The following PXDNL variants were observed in gnomAD, a reference collection of about 807,000 sequenced individuals.
PXDNL encodes the protein probable oxidoreductase PXDNL.
A neutral mutation model predicts 150.8 loss-of-function variants in PXDNL; 145 were observed. That is an observed-to-expected ratio of 0.96 (90% CI 0.84 to 1.10). The LOEUF is 1.10. PXDNL is among the 50% of genes least tolerant of loss of function. The probability of loss-of-function intolerance (pLI) is 0.00; values close to 1 mark genes in which losing one functional copy is unlikely to be tolerated. For synonymous variants in PXDNL, 757 were observed against 725.7 expected, an observed-to-expected ratio of 1.04 and a Z score of -0.69; for missense variants, 2,087 against 1,873.9, an observed-to-expected ratio of 1.11 and a Z score of -2.10.
At chr8:51,595,362 C>T in intron 2 of PXDNL, among the ~76,000 whole-genome samples, 1 of 151,838 alleles carries the variant, frequency 6.6e-6, no homozygotes, top group East Asian at 1.9e-4. Context: ...ATCAATTCAT[C>T]AAAGTGTAAA....
At chr8:51,538,732 C>A (rs746479499) in intron 4 of PXDNL, among the ~76,000 whole-genome samples, 1 of 152,124 alleles carries the variant, frequency 6.6e-6, no homozygotes, top group Admixed American at 6.5e-5. Context: ...TGCCAGTACA[C>A]TACAGTCTGG....
intron 1 of PXDNL, among the ~76,000 whole-genome samples, chr8:51,713,610 A>G (rs1816544940): frequency 6.6e-6 from 1 of 152,206 alleles, no homozygotes; most frequent in African/African-American, 2.4e-5. Context: ...TCACCACAAA[A>G]AATTCATTAA....
chr8:51,376,528 GT>G (rs1807313755), intron 17 of PXDNL, among the ~76,000 whole-genome samples: 1 of 151,986 alleles, frequency 6.6e-6, no homozygotes, highest in South Asian at 2.1e-4. Context: ...TTGCATTTCT[GT>G]TTTCTTGTTA....
intron 19 of PXDNL, among the ~76,000 whole-genome samples, chr8:51,366,812 A>T (rs910415943): frequency 1.3e-5 from 2 of 152,064 alleles, no homozygotes; most frequent in Non-Finnish European, 2.9e-5. Context: ...GCATAAAAAA[A>T]TTCAAATAAA....
At chr8:51,324,575 T>A (rs910454654) in intron 21 of PXDNL, among the ~76,000 whole-genome samples, 3 of 152,248 alleles carry the variant, frequency 2.0e-5, no homozygotes, top group Non-Finnish European at 4.4e-5. Flanking sequence ...GTTGGATGTT[T>A]TATTATAATC....
intron 4 of PXDNL, among the ~76,000 whole-genome samples, chr8:51,545,410 C>T (rs74837701): frequency 0.02 from 2,973 of 152,178 alleles, 42 homozygotes; most frequent in African/African-American, 0.037. Context: ...TTTAAAAAGA[C>T]GAAGGCACAC....
chr8:51,423,222 G>C (rs1442617264), intron 14 of PXDNL, among the ~76,000 whole-genome samples: 1 of 152,186 alleles, frequency 6.6e-6, no homozygotes, highest in East Asian at 1.9e-4. Context: ...GCTAGAGTAT[G>C]TAGTACATGT....
chr8:51,660,441 G>A (rs1815248398), intron 1 of PXDNL, among the ~76,000 whole-genome samples: 1 of 152,132 alleles, frequency 6.6e-6, no homozygotes, highest in African/African-American at 2.4e-5. Context: ...GTGAGTAGAT[G>A]CTTGGCTATC....
chr8:51,677,121 CT>C (rs1391231139), intron 1 of PXDNL, among the ~76,000 whole-genome samples: 1 of 152,210 alleles, frequency 6.6e-6, no homozygotes, highest in Non-Finnish European at 1.5e-5. Context: ...TTTCTAATTA[CT>C]TTTCCCATTT....
At chr8:51,687,231 A>G (rs148474272) in intron 1 of PXDNL, among the ~76,000 whole-genome samples, 13 of 152,338 alleles carry the variant, frequency 8.5e-5, no homozygotes, top group Middle Eastern at 3.4e-3. Context: ...CACTCCTGCT[A>G]TGAAAACAGA....
intron 4 of PXDNL, among the ~76,000 whole-genome samples, chr8:51,548,979 G>A (rs1011600519): frequency 1.5e-4 from 23 of 152,174 alleles, no homozygotes; most frequent in African/African-American, 5.1e-4. Flanking sequence ...CAAAGGGATG[G>A]GAAAAGGGAT....
intron 1 of PXDNL, among the ~76,000 whole-genome samples, chr8:51,755,978 G>A (rs910214064): frequency 6.6e-5 from 10 of 152,158 alleles, no homozygotes; most frequent in African/African-American, 2.4e-4. Flanking sequence ...AATGGAATTA[G>A]AAATTCTAAG....
intron 2 of PXDNL, among the ~76,000 whole-genome samples, chr8:51,620,539 C>T (rs1032123871): frequency 1.3e-4 from 19 of 151,634 alleles, no homozygotes; most frequent in Non-Finnish European, 2.4e-4. Context: ...TTTCTTACAA[C>T]TCAATCACTT....
At chr8:51,395,481 GAAAATATTTTTAAAA>G (rs1263592306) in intron 17 of PXDNL, among the ~76,000 whole-genome samples, 1 of 152,038 alleles carries the variant, frequency 6.6e-6, no homozygotes, top group African/African-American at 2.4e-5. Flanking sequence ...CATTCTAAAA[GAAAATATTTTTAAAA>G]AATGGTTTAG....
At chr8:51,436,401 C>T (rs1205520646) in intron 12 of PXDNL, 9 of 413,392 alleles carry the variant, frequency 2.2e-5, no homozygotes, top group Admixed American at 6.1e-5. Flanking sequence ...AAATGCATTG[C>T]CATGTCATAA....
chr8:51,503,667 C>T (rs1015033816), intron 4 of PXDNL, among the ~76,000 whole-genome samples: 1 of 152,134 alleles, frequency 6.6e-6, no homozygotes, highest in Non-Finnish European at 1.5e-5. Flanking sequence ...CTGTTTAAGT[C>T]ACTTCATAAA....
intron 2 of PXDNL, among the ~76,000 whole-genome samples, chr8:51,598,928 C>T (rs778809975): frequency 3.9e-5 from 6 of 152,140 alleles, no homozygotes; most frequent in Non-Finnish European, 5.9e-5. Flanking sequence ...GATATTGGCC[C>T]ATCCAGTATT....
chr8:51,680,930 A>G (rs1214042479), intron 1 of PXDNL, among the ~76,000 whole-genome samples: 2 of 152,162 alleles, frequency 1.3e-5, no homozygotes, highest in African/African-American at 4.8e-5. Flanking sequence ...TTCTAGAACT[A>G]ACTGAACCCT....
intron 21 of PXDNL, among the ~76,000 whole-genome samples, chr8:51,325,905 G>A (rs1210062109): frequency 6.6e-6 from 1 of 152,112 alleles, no homozygotes; most frequent in Non-Finnish European, 1.5e-5. Context: ...TGTTTGGCTG[G>A]GGTAGAGTGG....
Sources: allele counts gnomAD v4.1 joint callset (sites outside exome capture counted in the v4.1 genomes callset), GRCh38; gene constraint gnomAD v4.1.1; transcripts MANE v1.5; gene names NCBI Gene and HGNC (gene_info 2026-07-23, HGNC 2026-07-21).